PTPRJ: variants seen among roughly 807,000 people sequenced by gnomAD.
The protein encoded by PTPRJ is protein tyrosine phosphatase receptor type J, also known as receptor-type tyrosine-protein phosphatase eta.
Under a neutral mutation model 141.3 loss-of-function variants are expected in PTPRJ, and 129 were observed. That is an observed-to-expected ratio of 0.91 (90% CI 0.79 to 1.06). The LOEUF is 1.06. Among genes scored for constraint, PTPRJ ranks in the 50% least tolerant of loss-of-function variants. The probability of loss-of-function intolerance (pLI) is 0.00; values close to 1 mark genes in which losing one functional copy is unlikely to be tolerated. For missense variants in PTPRJ, 1,601 were observed against 1,679.7 expected, an observed-to-expected ratio of 0.95 and a Z score of 0.82; for synonymous variants, 610 against 640.5, an observed-to-expected ratio of 0.95 and a Z score of 0.72.
chr11:48,115,822 A>G (rs1490100764), intron 3 of PTPRJ, among the ~76,000 whole-genome samples: 2 of 152,156 alleles, frequency 1.3e-5, no homozygotes, highest in African/African-American at 4.8e-5. Flanking sequence ...GTAGAGGTCA[A>G]TTTGTGTGTG....
At chr11:48,047,629 A>G (rs1375067119) in intron 1 of PTPRJ, among the ~76,000 whole-genome samples, 2 of 151,984 alleles carry the variant, frequency 1.3e-5, no homozygotes, top group Admixed American at 6.6e-5. Context: ...CAGCCCCCCA[A>G]GTAGCTGGGA....
intron 1 of PTPRJ, among the ~76,000 whole-genome samples, chr11:48,070,983 A>G (rs1273460789): frequency 3.3e-5 from 5 of 152,256 alleles, no homozygotes; most frequent in African/African-American, 1.2e-4. Context: ...GCTGTATGAT[A>G]GGACCTTTAG....
chr11:48,021,160 G>C (rs946349582), intron 1 of PTPRJ, among the ~76,000 whole-genome samples: 7 of 152,094 alleles, frequency 4.6e-5, no homozygotes, highest in Non-Finnish European at 4.4e-5. Context: ...GATCACCTGA[G>C]GTCAGGAGTT....
intron 3 of PTPRJ, among the ~76,000 whole-genome samples, chr11:48,115,930 C>T (rs1856554452): frequency 6.6e-6 from 1 of 151,896 alleles, no homozygotes; most frequent in Admixed American, 6.6e-5. Context: ...TTAGTAGATA[C>T]ACAAAAAATA....
chr11:48,103,890 C>T (rs1032492845), intron 1 of PTPRJ, among the ~76,000 whole-genome samples: 8 of 152,328 alleles, frequency 5.3e-5, no homozygotes, highest in African/African-American at 1.4e-4. Context: ...TTGGAGGAGG[C>T]CATCGTGCCT....
chr11:48,014,697 A>G (rs1034987456), intron 1 of PTPRJ: 9 of 151,662 alleles, frequency 5.9e-5, no homozygotes, highest in Middle Eastern at 3.2e-3. Flanking sequence ...TAGATGGACT[A>G]TTTTATTTTA....
intron 4 of PTPRJ, among the ~76,000 whole-genome samples, chr11:48,121,565 C>T (rs1005259825): frequency 3.3e-5 from 5 of 152,060 alleles, no homozygotes; most frequent in Admixed American, 2.0e-4. Flanking sequence ...CTTAAAAACG[C>T]GTGTCTTCAT....
chr11:48,080,058 G>A (rs1319476893), intron 1 of PTPRJ, among the ~76,000 whole-genome samples: 2 of 152,138 alleles, frequency 1.3e-5, no homozygotes, highest in Non-Finnish European at 2.9e-5. Flanking sequence ...ATCAGTCCAG[G>A]ACAGTTCCTG....
intron 1 of PTPRJ, among the ~76,000 whole-genome samples, chr11:48,104,977 C>T (rs1179303987): frequency 6.6e-6 from 1 of 152,152 alleles, no homozygotes; most frequent in Admixed American, 6.5e-5. Context: ...TGGGGATAAA[C>T]ACAGTTCCTC....
intron 1 of PTPRJ, among the ~76,000 whole-genome samples, chr11:48,043,937 TGGA>T (rs1296944930): frequency 1.3e-5 from 2 of 152,240 alleles, no homozygotes; most frequent in Admixed American, 6.5e-5. Context: ...AGGCTGCTGC[TGGA>T]GGAACCTTTG....
At chr11:48,036,178 T>C (rs955410801) in intron 1 of PTPRJ, among the ~76,000 whole-genome samples, 6 of 152,252 alleles carry the variant, frequency 3.9e-5, no homozygotes, top group African/African-American at 1.4e-4. Flanking sequence ...GACTCACCTC[T>C]TTGAAGAAAT....
chr11:48,106,763 CTTTTTTTTTTTTTTT>C (rs35643138), intron 1 of PTPRJ, among the ~76,000 whole-genome samples: 5 of 86,440 alleles, frequency 5.8e-5, no homozygotes, highest in Non-Finnish European at 9.2e-5. Flanking sequence ...TTCTTTCTTT[CTTTTTTTTTTTTTTT>C]TTTTTTTTAA....
intron 1 of PTPRJ, among the ~76,000 whole-genome samples, chr11:48,071,607 CT>C (rs35993560): frequency 3.2e-4 from 26 of 82,448 alleles, no homozygotes; most frequent in East Asian, 8.2e-4. Context: ...CGCACCCAGC[CT>C]TTTTTTTTTT....
In PTPRJ at chr11:48,126,777, C is replaced by A. The variant is rs898380399; in HGVS notation, c.1094-1003C>A. ...GACAGAAACATTCAGTCTGTTGCAA[C>A]ACACACACACACACACACACACACA... On this transcript the variant is annotated intron_variant, in intron 6 of 24. Coordinates refer to ENST00000418331, the MANE Select transcript of PTPRJ (RefSeq NM_002843.4). Among the ~76,000 whole-genome samples the A allele has an allele frequency of 9.0e-4, 59 of 65,622 alleles. No homozygotes were observed. In the South Asian group the frequency reaches 0.012, roughly 13 times the overall value. The allele number at this position is 65,622 out of a possible 152,430, so 43.1% of individuals were successfully genotyped here.
chr11:48,105,787 C>T (rs1038525403), intron 1 of PTPRJ, among the ~76,000 whole-genome samples: 1 of 152,094 alleles, frequency 6.6e-6, no homozygotes, highest in Non-Finnish European at 1.5e-5. Context: ...CTGCTGTGCC[C>T]ACTAGGAGGA....
At chr11:48,137,651 C>T (rs1857136518) in intron 10 of PTPRJ, among the ~76,000 whole-genome samples, 3 of 152,118 alleles carry the variant, frequency 2.0e-5, no homozygotes, top group South Asian at 2.1e-4. Flanking sequence ...GAGAACATTA[C>T]AGGCAGAGGC....
chr11:48,044,160 G>A (rs986696731), intron 1 of PTPRJ, among the ~76,000 whole-genome samples: 32 of 152,236 alleles, frequency 2.1e-4, no homozygotes, highest in African/African-American at 6.3e-4. Flanking sequence ...GCCTTGGCCC[G>A]CACAGCCTTC....
Position 48,160,119 on chromosome 11 carries a change from A to G in PTPRJ, c.3558+70A>G, listed in dbSNP as rs566121522. The G allele has an allele frequency of 2.9e-4, 451 of 1,564,142 alleles. 1 individual carries two copies. Among genetic ancestry groups the G allele is most frequent in the Non-Finnish European group, 3.8e-4 (428 of 1,140,704 alleles). ...TGTTAATTTGGGGGTGATATGTTTT[A>G]GGTTGATATTAACTAATATGTTTTC... On this transcript the variant is annotated intron_variant, in intron 22 of 24. Transcript: ENST00000418331.
chr11:48,130,817 T>G, intron 8 of PTPRJ, 101 bp downstream of exon 8: 1 of 1,288,136 alleles, frequency 7.8e-7, no homozygotes, highest in East Asian at 2.8e-5. Flanking sequence ...CTTTTAATTA[T>G]CTAAGAAAAA....
Sources: gnomAD v4.1 joint callset for allele counts (sites outside exome capture counted in the v4.1 genomes callset) on GRCh38, gnomAD v4.1.1 for gene constraint, MANE v1.5 for transcripts, NCBI Gene and HGNC (gene_info 2026-07-23, HGNC 2026-07-21) for gene names.